NKTR: variants seen among roughly 807,000 people sequenced by gnomAD.
The protein encoded by NKTR is NK-tumor recognition protein.
NKTR carries 67 observed loss-of-function variants against 156.3 expected under a neutral mutation model. The observed-to-expected ratio is 0.43, with a 90% CI of 0.35 to 0.53. NKTR has a LOEUF of 0.53. NKTR is among the 20% of genes least tolerant of loss of function. NKTR has a pLI of 0.01. For missense variants in NKTR, 1,604 were observed against 1,730.9 expected (o/e 0.93, Z 1.30); for synonymous variants, 640 against 596.6 (o/e 1.07, Z -1.06).
At chr3:42,643,569 T>G in intron 15 of NKTR, 174 bp downstream of exon 15, 1 of 639,774 alleles carries the variant, frequency 1.6e-6, no homozygotes, top group Non-Finnish European at 2.8e-6. Context: ...TGGCCCATTG[T>G]ACTCCAGTGT....
chr3:42,633,419 CT>C lies in NKTR; in HGVS notation c.774-160del, dbSNP rs936028157. On this transcript the variant is annotated intron_variant, in intron 9 of 16. Coordinates refer to ENST00000232978, the MANE Select transcript of NKTR (RefSeq NM_005385.4). ...AAAATTCTAGTCTTTGGGTTTTTCA[CT>C]GGGTTGATATTGTTCTCTTTGTGAA... 6.6e-6 allele frequency: 9 copies of C among 1,372,048 alleles called. No individual in the cohort carries two copies. In the Admixed American group the frequency reaches 1.3e-4, roughly 20 times the overall value. The allele number at this position is 1,372,048 out of a possible 1,614,324, so 85.0% of individuals were successfully genotyped here.
chr3:42,634,309 TATTG>T (rs1709185828), intron 10 of NKTR, among the ~76,000 whole-genome samples: 1 of 152,238 alleles, frequency 6.6e-6, no homozygotes, highest in Non-Finnish European at 1.5e-5. Context: ...AGTTTAGAAT[TATTG>T]AAAGAAAATG....
At chr3:42,624,906 A>G (rs532158142) in intron 6 of NKTR, among the ~76,000 whole-genome samples, 87 of 152,306 alleles carry the variant, frequency 5.7e-4, no homozygotes, top group African/African-American at 2.0e-3. Flanking sequence ...ATAGTCATGA[A>G]AAAGATTGAG....
intron 2 of NKTR, among the ~76,000 whole-genome samples, chr3:42,603,326 C>T (rs1375648002): frequency 6.9e-6 from 1 of 145,196 alleles, no homozygotes; most frequent in Non-Finnish European, 1.5e-5. Flanking sequence ...CACCACTGCA[C>T]TCCAGCTTGG....
intron 15 of NKTR, 145 bp from the exon 16 acceptor site, chr3:42,643,757 C>T (rs1335251297): frequency 2.9e-6 from 2 of 686,386 alleles, no homozygotes; most frequent in African/African-American, 1.8e-5. Flanking sequence ...TAAATGTTTC[C>T]AGTACTTGTT....
chr3:42,644,736 C>G (rs1577602934), intron 16 of NKTR, among the ~76,000 whole-genome samples: 1 of 152,116 alleles, frequency 6.6e-6, no homozygotes, highest in Non-Finnish European at 1.5e-5. Flanking sequence ...TGGAGACACA[C>G]GTGTCCTCTT....
At chr3:42,635,194 A>T (rs556100999) in intron 11 of NKTR, 27 bp from the exon 12 acceptor site, 2 of 1,597,026 alleles carry the variant, frequency 1.3e-6, no homozygotes, top group South Asian at 1.1e-5. Context: ...GGCATTTTTT[A>T]AAATACTATT....
chr3:42,620,594 TTC>T (rs900181959), intron 5 of NKTR: 1 of 984,478 alleles, frequency 1.0e-6, no homozygotes, highest in African/African-American at 1.7e-5. Flanking sequence ...TTTTCTGTGT[TTC>T]TGTTTGTTCT....
intron 7 of NKTR, 180 bp downstream of exon 7, chr3:42,630,755 C>T: frequency 7.1e-7 from 1 of 1,403,342 alleles, no homozygotes; most frequent in Non-Finnish European, 9.3e-7. Flanking sequence ...TCTCATGTGA[C>T]TGAAGGAGTC....
chr3:42,601,230 G>C (rs1024749981), intron 2 of NKTR, 166 bp downstream of exon 2: 1 of 530,418 alleles, frequency 1.9e-6, no homozygotes, highest in Non-Finnish European at 3.3e-6. Context: ...AAGGTGGCCT[G>C]GGCACACCCC....
At chr3:42,605,067 T>C (rs767856560) in intron 2 of NKTR, among the ~76,000 whole-genome samples, 30 of 152,174 alleles carry the variant, frequency 2.0e-4, no homozygotes, top group Non-Finnish European at 2.4e-4. Flanking sequence ...ATATTTAGGA[T>C]TGTTGTCTTC....
chr3:42,621,285 A>C (rs1486999664), intron 5 of NKTR, 144 bp from the exon 6 acceptor site: 1 of 1,337,230 alleles, frequency 7.5e-7, no homozygotes, highest in East Asian at 3.0e-5. Flanking sequence ...GATTAGCTTA[A>C]ATTTTTCTTT....
rs1272666354 is a variant in NKTR, at chr3:42,648,368, T to C, written c.*2393T>C. ...AGGTGGAATTTTTACCCAGAAAAGATAGGCCCTAGAAGCCTCATTTCTTTT... is the reference window on the plus strand; with the variant it reads ...AGGTGGAATTTTTACCCAGAAAAGACAGGCCCTAGAAGCCTCATTTCTTTT... On this transcript the variant is annotated 3_prime_UTR_variant, in exon 17 of 17. Transcript: ENST00000232978. 6.6e-6 allele frequency: 1 copy of C among 152,212 alleles called. No individual in the cohort carries two copies. The highest frequency in any genetic ancestry group is 1.5e-5 in the Non-Finnish European group (1 of 68,030). The allele number at this position is 152,212 out of a possible 1,614,324, so 9.4% of individuals were successfully genotyped here. A position where few individuals can be genotyped will look rare whatever the true frequency, so the allele number is the denominator to read the frequency against.
intron 6 of NKTR, among the ~76,000 whole-genome samples, chr3:42,622,701 T>C (rs1708023280): frequency 1.3e-5 from 2 of 152,036 alleles, no homozygotes; most frequent in African/African-American, 4.8e-5. Context: ...TACTCTTCTT[T>C]AACAGAGTGA....
chr3:42,616,948 G>A (rs1290745924), intron 2 of NKTR, among the ~76,000 whole-genome samples: 1 of 152,092 alleles, frequency 6.6e-6, no homozygotes, highest in Non-Finnish European at 1.5e-5. Flanking sequence ...AGAGACAGGG[G>A]TCGTTCTGTG....
chr3:42,628,232 G>C (rs944372056), intron 6 of NKTR: 2 of 985,274 alleles, frequency 2.0e-6, no homozygotes, highest in African/African-American at 3.5e-5. Context: ...TTCATATCAG[G>C]TTTAGGCACT....
At chr3:42,609,128 CAA>C (rs34365155) in intron 2 of NKTR, among the ~76,000 whole-genome samples, 9 of 131,920 alleles carry the variant, frequency 6.8e-5, no homozygotes, top group Admixed American at 7.4e-5. Flanking sequence ...ACTCATATAT[CAA>C]AAAAAAAAAA....
chr3:42,644,023 CG>C lies in NKTR; in HGVS notation c.4301+21del. 1 of 1,568,958 alleles carries C rather than the reference CG, an allele frequency of 6.4e-7. No homozygotes were observed. Among genetic ancestry groups the C allele is most frequent in the Non-Finnish European group, 8.8e-7 (1 of 1,140,718 alleles). Reference sequence around the variant, plus strand: ...GTCCAGGTGGGTCTCTCTCCTTTATCGTCCTTTATCGCACTGTAGGCCACGG... The same window carrying C: ...GTCCAGGTGGGTCTCTCTCCTTTATCTCCTTTATCGCACTGTAGGCCACGG... On this transcript the variant is annotated intron_variant, in intron 16 of 16. Coordinates refer to ENST00000232978, the MANE Select transcript of NKTR (RefSeq NM_005385.4).
intron 11 of NKTR, 186 bp downstream of exon 11, chr3:42,634,886 TTGAG>T (rs1709234148): frequency 2.0e-6 from 1 of 508,450 alleles, no homozygotes; most frequent in Non-Finnish European, 3.5e-6. Flanking sequence ...ATGGGTTTAA[TTGAG>T]TATGAAAGGA....
Sources: allele counts gnomAD v4.1 joint callset (sites outside exome capture counted in the v4.1 genomes callset), GRCh38; gene constraint gnomAD v4.1.1; transcripts MANE v1.5; gene names NCBI Gene and HGNC (gene_info 2026-07-23, HGNC 2026-07-21).